Variants in ITIH6 observed in about 807,000 individuals in gnomAD.
ITIH6 encodes the protein inter-alpha-trypsin inhibitor heavy chain H6.
Under a neutral mutation model 58.2 loss-of-function variants are expected in ITIH6, and 60 were observed. The observed-to-expected ratio is 1.03, with a 90% CI of 0.84 to 1.28. The LOEUF is 1.28. Ranked by LOEUF, ITIH6 falls within the 50% of genes most tolerant of loss-of-function variation. The probability of loss-of-function intolerance (pLI) is 0.00; values close to 1 mark genes in which losing one functional copy is unlikely to be tolerated. For synonymous variants in ITIH6, 493 were observed against 417.4 expected (o/e 1.18, Z -2.21); for missense variants, 1,290 against 1,021.1 (o/e 1.26, Z -3.59).
At chrX:54,774,015 C>G in intron 6 of ITIH6, 66 bp downstream of exon 6, 1 of 660,936 alleles carries the variant, frequency 1.5e-6, no homozygotes, top group Non-Finnish European at 2.3e-6. Flanking sequence ...CCCATTGTTA[C>G]CACGCTCTCT....
intron 6 of ITIH6, among the ~76,000 whole-genome samples, chrX:54,760,262 C>G (rs1189065564): frequency 8.9e-6 from 1 of 111,826 alleles, no homozygotes; most frequent in Admixed American, 9.5e-5. Context: ...CCAGTGGCTA[C>G]TATATTAGAT....
intron 6 of ITIH6, among the ~76,000 whole-genome samples, chrX:54,772,783 A>AT (rs780011989): frequency 1.3e-3 from 150 of 111,865 alleles, no homozygotes; most frequent in Middle Eastern, 9.3e-3. Flanking sequence ...TAAAACTACT[A>AT]TTTTTTTGAC....
rs138976541 is a variant in ITIH6, at chrX:54,784,630, A to G, written c.786+3850T>C. On this transcript the variant is annotated intron_variant, in intron 5 of 12. Transcript: ENST00000218436. ...GATCATCAGAGAAGTGAAAGTCAAAAACTACAATGAGATATCATCTCACCT... is the reference window on the plus strand; with the variant it reads ...GATCATCAGAGAAGTGAAAGTCAAAGACTACAATGAGATATCATCTCACCT... Among the ~76,000 whole-genome samples, 398 of 112,157 alleles carry G rather than the reference A, an allele frequency of 3.5e-3. 2 individuals carry two copies. The highest frequency in any genetic ancestry group is 0.012 in the African/African-American group (369 of 30,892).
chrX:54,767,259 G>A (rs1160028692), intron 6 of ITIH6, among the ~76,000 whole-genome samples: 2 of 105,013 alleles, frequency 1.9e-5, no homozygotes, highest in Non-Finnish European at 3.9e-5. Context: ...TTTTTATTGT[G>A]TCTATTTGAT....
intron 6 of ITIH6, among the ~76,000 whole-genome samples, chrX:54,768,501 T>A (rs1383553656): frequency 1.0e-5 from 1 of 95,753 alleles, no homozygotes; most frequent in Non-Finnish European, 2.0e-5. Flanking sequence ...GGTCTTTACA[T>A]TTTGGCATGA....
chrX:54,751,351 C>A lies in ITIH6; in HGVS notation c.3382G>T (p.Ala1128Ser), dbSNP rs146825535. The A allele has an allele frequency of 1.5e-5, 18 of 1,211,408 alleles. No homozygotes were observed. The highest frequency in any genetic ancestry group is 2.0e-5 in the Non-Finnish European group (18 of 895,237). Residue 1128 changes from alanine to serine, a missense_variant, in exon 12 of 13, where the codon GCA becomes TCA. Physicochemically the swap from Ala to Ser is moderately conservative, Grantham distance 99. Coordinates refer to ENST00000218436, the MANE Select transcript of ITIH6 (RefSeq NM_198510.3). ...TCCTTGTGGCCCGGCCTTGGTGGTG[C>A]GCCAAGCAGCTTCCCACTCACATGC... ...GLHVSGKLLG[A>S]PPRPGHKDQT...
intron 6 of ITIH6, among the ~76,000 whole-genome samples, chrX:54,765,690 G>A (rs994248197): frequency 8.6e-5 from 9 of 104,597 alleles, no homozygotes; most frequent in Non-Finnish European, 1.4e-4. Context: ...TGCAAGCTCC[G>A]CTTCCTGGGT....
rs184958081 is a variant in ITIH6 at position 54,793,843 on chromosome X, A to G, written c.258-1807T>C. On this transcript the variant is annotated intron_variant, in intron 2 of 12. Coordinates refer to ENST00000218436, the MANE Select transcript of ITIH6 (RefSeq NM_198510.3). ...GACTCAATGAGCTCATACAGCAGCA[A>G]AGACTTTTTGCCGTGGAGAATGGAG... Among the ~76,000 whole-genome samples, 7 of 111,585 alleles carry G rather than the reference A, an allele frequency of 6.3e-5. No individual in the cohort carries two copies. In the East Asian group the frequency reaches 2.0e-3, roughly 32 times the overall value.
Position 54,757,174 on chromosome X carries a change from A to C in ITIH6, c.2900T>G (p.Met967Arg). The C allele has an allele frequency of 8.3e-7, 1 of 1,209,343 alleles. No homozygotes were observed. The highest frequency in any genetic ancestry group is 1.1e-6 in the Non-Finnish European group (1 of 894,332). Reference protein sequence around the residue: ...LGPSRPGVPTMSLLNSSRPTP... With the variant: ...LGPSRPGVPTRSLLNSSRPTP... Reference sequence around the variant, plus strand: ...AGGCCTGGAGCTGTTGAGTAGGCTCATTGTTGGAACTCCTGGCCTAGATGG... The same window carrying C: ...AGGCCTGGAGCTGTTGAGTAGGCTCCTTGTTGGAACTCCTGGCCTAGATGG... Residue 967 changes from methionine to arginine, a missense_variant, in exon 8 of 13, where the codon ATG (methionine) becomes AGG (arginine). Physicochemically the swap from Met to Arg is moderately conservative, Grantham distance 91. Coordinates refer to ENST00000218436, the MANE Select transcript of ITIH6 (RefSeq NM_198510.3).
At chrX:54,776,268 T>G (rs905680241) in intron 5 of ITIH6, among the ~76,000 whole-genome samples, 20 of 111,016 alleles carry the variant, frequency 1.8e-4, no homozygotes, top group African/African-American at 6.5e-4. Flanking sequence ...GAATTACCCA[T>G]GTCAGCATGT....
At chrX:54,796,488 T>C (rs1369850118) in intron 2 of ITIH6, among the ~76,000 whole-genome samples, 2 of 110,037 alleles carry the variant, frequency 1.8e-5, no homozygotes, top group Admixed American at 9.7e-5. Context: ...ATTGAGACCA[T>C]CCTGGCTAAC....
rs751021183 is a variant in ITIH6 at position 54,779,825 on chromosome X, G to T, written c.787-5628C>A. On this transcript the variant is annotated intron_variant, in intron 5 of 12. Transcript: ENST00000218436. ...ACATTTCATCTATAAGACACACATA[G>T]ACTACAAATAAAGAGATGGAAGATG... is the stretch of plus-strand genomic sequence containing the variant. Among the ~76,000 whole-genome samples the T allele has an allele frequency of 9.7e-4, 108 of 110,823 alleles. 1 individual carries two copies. The highest frequency in any genetic ancestry group is 3.4e-3 in the African/African-American group (104 of 30,478).
chrX:54,796,511 C>T (rs1460107232), intron 2 of ITIH6, among the ~76,000 whole-genome samples: 2 of 108,940 alleles, frequency 1.8e-5, no homozygotes, highest in Non-Finnish European at 3.8e-5. Context: ...GGTGAAACCC[C>T]GTCTCTACTA....
At chrX:54,755,897 G>T (rs1169164161) in intron 8 of ITIH6, among the ~76,000 whole-genome samples, 1 of 111,120 alleles carries the variant, frequency 9.0e-6, no homozygotes, top group East Asian at 2.8e-4. Flanking sequence ...GGGGCATGAA[G>T]TGATTTGTGT....
intron 5 of ITIH6, among the ~76,000 whole-genome samples, chrX:54,779,525 A>C (rs1929111933): frequency 9.0e-6 from 1 of 111,587 alleles, no homozygotes; most frequent in South Asian, 3.7e-4. Flanking sequence ...ACCTCAAAAC[A>C]AAAAACATAC....
intron 11 of ITIH6, among the ~76,000 whole-genome samples, 197 bp downstream of exon 11, chrX:54,753,454 G>A (rs1025419308): frequency 9.0e-6 from 1 of 111,313 alleles, no homozygotes; most frequent in Non-Finnish European, 1.9e-5. Flanking sequence ...CCTTTTGTGC[G>A]TGTATCTGTG....
In ITIH6 at chrX:54,762,961, A is replaced by G. The variant is rs764822084; in HGVS notation, c.904-3034T>C. Among the ~76,000 whole-genome samples the G allele has an allele frequency of 1.3e-3, 151 of 112,064 alleles. 2 individuals carry two copies. The highest frequency in any genetic ancestry group is 4.4e-3 in the African/African-American group (135 of 30,899). On this transcript the variant is annotated intron_variant, in intron 6 of 12. Transcript: ENST00000218436. ...ATCACAGCAACACAATGAAGAAGGT[A>G]TTAATACTATCCTCATTTTACAGGT...
At position 54,755,064 on chromosome X, in the gene ITIH6, G is replaced by A; in HGVS notation, c.3155C>T (p.Ala1052Val). 2 of 1,210,857 alleles carry A rather than the reference G, an allele frequency of 1.7e-6. No individual in the cohort carries two copies. Among genetic ancestry groups the A allele is most frequent in the Non-Finnish European group, 2.2e-6 (2 of 894,820 alleles). ...DGNSEEILGG[A>V]GGSMESQGSS... is the part of the protein sequence containing the mutation. ...TCCTTGAGATTCCATGCTGCCTCCAGCTCCTCCCAGGATCTCCTCAGAATT... is the reference window on the plus strand; with the variant it reads ...TCCTTGAGATTCCATGCTGCCTCCAACTCCTCCCAGGATCTCCTCAGAATT... Residue 1052 changes from alanine (A) to valine (V), a missense_variant, in exon 9 of 13, where the codon GCT (alanine) becomes GTT (valine). Physicochemically the swap from Ala to Val is moderately conservative, Grantham distance 64. Coordinates refer to ENST00000218436, the MANE Select transcript of ITIH6 (RefSeq NM_198510.3).
At position 54,764,382 on chromosome X, in the gene ITIH6, T is replaced by G. The variant is rs769353291; in HGVS notation, c.904-4455A>C. On this transcript the variant is annotated intron_variant, in intron 6 of 12. Coordinates refer to ENST00000218436, the MANE Select transcript of ITIH6 (RefSeq NM_198510.3). ...CACTAACTCGTCATCTAGTATTAGG[T>G]ATATCTCCCAATGCTATCCCTCCCC... 2.7e-4 allele frequency among the ~76,000 whole-genome samples: 29 copies of G among 108,766 alleles called. No individual in the cohort carries two copies. The East Asian group carries it at 7.8e-3, about 29-fold the overall frequency. 94.5% of individuals were successfully genotyped at this position (108,766 alleles called of 115,157 possible). A position where few individuals can be genotyped will look rare whatever the true frequency, so the allele number is the denominator to read the frequency against.
Sources: allele counts gnomAD v4.1 joint callset (sites outside exome capture counted in the v4.1 genomes callset), GRCh38; gene constraint gnomAD v4.1.1; transcripts MANE v1.5; gene names NCBI Gene and HGNC (gene_info 2026-07-23, HGNC 2026-07-21).